ZNF385D: variants seen among roughly 807,000 people sequenced by gnomAD.
The protein encoded by ZNF385D is zinc finger protein 659.
Under a neutral mutation model 35.8 loss-of-function variants are expected in ZNF385D, and 15 were observed. That is an observed-to-expected ratio of 0.42 (90% CI 0.28 to 0.64). The LOEUF is 0.64. ZNF385D is among the 30% of genes least tolerant of loss of function. The pLI is 0.23. For synonymous variants in ZNF385D, 212 were observed against 186.8 expected, an observed-to-expected ratio of 1.13 and a Z score of -1.10; for missense variants, 474 against 494.6, an observed-to-expected ratio of 0.96 and a Z score of 0.39.
At chr3:21,443,154 C>T (rs1701955110) in intron 4 of ZNF385D, 1 of 985,344 alleles carries the variant, frequency 1.0e-6, no homozygotes, top group Non-Finnish European at 1.2e-6. Context: ...TCAAGTGCTC[C>T]ACTCCACTTT....
At chr3:21,652,332 G>T (rs896460076) in intron 2 of ZNF385D, among the ~76,000 whole-genome samples, 2 of 152,096 alleles carry the variant, frequency 1.3e-5, no homozygotes, top group African/African-American at 4.8e-5. Flanking sequence ...CAGACCTGGG[G>T]CATGTTAGAT....
rs150072905 is a variant in ZNF385D, at chr3:21,594,639, G to A, written c.166-29955C>T. Among the ~76,000 whole-genome samples the A allele has an allele frequency of 1.9e-4, 29 of 152,214 alleles. No homozygotes were observed. The East Asian group carries it at 4.8e-3, about 25-fold the overall frequency. ...TTTAAGCAGACATGACATAGCCACC[G>A]GGAATTTAAAGCTTGGTGATCAGTC... On this transcript the variant is annotated intron_variant, in intron 2 of 7. Coordinates refer to ENST00000281523, the MANE Select transcript of ZNF385D (RefSeq NM_024697.3).
intron 3 of ZNF385D, among the ~76,000 whole-genome samples, chr3:22,152,682 A>G (rs1705316700): frequency 1.3e-5 from 2 of 151,964 alleles, no homozygotes; most frequent in Admixed American, 6.6e-5. Context: ...TTGTGATTCC[A>G]TTTTTCCTAC....
chr3:21,917,903 C>G (rs566318767), intron 3 of ZNF385D, among the ~76,000 whole-genome samples: 6 of 152,130 alleles, frequency 3.9e-5, no homozygotes, highest in South Asian at 2.1e-4. Context: ...ATACTGCATG[C>G]AAACTAGGAA....
At chr3:21,746,939 A>G (rs545014252) in intron 1 of ZNF385D, among the ~76,000 whole-genome samples, 2 of 152,274 alleles carry the variant, frequency 1.3e-5, no homozygotes, top group Non-Finnish European at 2.9e-5. Flanking sequence ...AATGTTCTAA[A>G]CATCCCAGGG....
At chr3:21,670,887 T>A (rs528585700) in intron 1 of ZNF385D, among the ~76,000 whole-genome samples, 8 of 151,886 alleles carry the variant, frequency 5.3e-5, no homozygotes, top group African/African-American at 1.4e-4. Context: ...ACAAAAAAAA[T>A]GGACCAGCAT....
intron 2 of ZNF385D, among the ~76,000 whole-genome samples, chr3:22,188,764 T>C (rs758014937): frequency 2.0e-5 from 3 of 152,236 alleles, no homozygotes; most frequent in Non-Finnish European, 4.4e-5. Context: ...GCATACTTTT[T>C]AAAATATTTT....
intron 3 of ZNF385D, among the ~76,000 whole-genome samples, chr3:21,799,215 G>T (rs1265564965): frequency 3.9e-5 from 6 of 152,120 alleles, no homozygotes; most frequent in Non-Finnish European, 8.8e-5. Flanking sequence ...GATGGATGTT[G>T]TTTCCACCTT....
At chr3:22,238,195 T>C (rs2728999) in intron 2 of ZNF385D, among the ~76,000 whole-genome samples, 60,902 of 150,932 alleles carry the variant, frequency 0.4, 15,359 homozygotes, top group East Asian at 0.77. Context: ...CCACATTCCA[T>C]TGATTTCTGT....
intron 3 of ZNF385D, among the ~76,000 whole-genome samples, chr3:21,851,485 T>C (rs995993572): frequency 1.3e-5 from 2 of 152,080 alleles, no homozygotes; most frequent in African/African-American, 4.8e-5. Context: ...TCACAGAACC[T>C]TTATTTAAAA....
At chr3:21,809,260 G>C (rs1245759611) in intron 3 of ZNF385D, among the ~76,000 whole-genome samples, 1 of 151,864 alleles carries the variant, frequency 6.6e-6, no homozygotes, top group South Asian at 2.1e-4. Context: ...CAAAGAAAAA[G>C]AAATAGAAAC....
rs1553628859 is a variant in ZNF385D at position 21,424,313 on chromosome 3, A to ATT, written c.853-250_853-249insAA. On this transcript the variant is annotated intron_variant, in intron 6 of 7. Coordinates refer to ENST00000281523, the MANE Select transcript of ZNF385D (RefSeq NM_024697.3). The stretch of plus-strand genomic sequence containing the variant: ...TATATATATATATTTATATATATAT[A>ATT]TATATTTTTTTTTTTTTTTGAGATG... Among the ~76,000 whole-genome samples, 64 of 50,920 alleles carry ATT rather than the reference A, an allele frequency of 1.3e-3. 1 individual carries two copies. The highest frequency in any genetic ancestry group is 3.5e-3 in the African/African-American group (57 of 16,408). The allele number at this position is 50,920 out of a possible 152,430, so 33.4% of individuals were successfully genotyped here.
intron 2 of ZNF385D, among the ~76,000 whole-genome samples, chr3:21,569,940 G>A (rs1055812495): frequency 1.4e-5 from 2 of 147,426 alleles, no homozygotes; most frequent in South Asian, 4.4e-4. Context: ...ATAGCATTAG[G>A]AGATATACCT....
At chr3:21,985,896 G>A (rs1576087471) in intron 3 of ZNF385D, among the ~76,000 whole-genome samples, 2 of 129,764 alleles carry the variant, frequency 1.5e-5, no homozygotes, top group Non-Finnish European at 3.2e-5. Context: ...TTAGTCTTGG[G>A]AGAGTGTATG....
intron 3 of ZNF385D, among the ~76,000 whole-genome samples, chr3:21,825,704 T>C (rs1694562676): frequency 1.3e-5 from 2 of 152,190 alleles, no homozygotes; most frequent in South Asian, 4.1e-4. Flanking sequence ...GAAATTTTCT[T>C]GTCTCTTTCT....
chr3:21,493,621 G>T lies in ZNF385D; in HGVS notation c.439+17240C>A, dbSNP rs546886997. ...ATGGGCCATGAACAAATCCCTTTTA[G>T]GTTAATGGATTTTTTCTTTTTTTTT... On this transcript the variant is annotated intron_variant, in intron 4 of 7. Coordinates refer to ENST00000281523, the MANE Select transcript of ZNF385D (RefSeq NM_024697.3). Among the ~76,000 whole-genome samples, 172 of 150,178 alleles carry T rather than the reference G, an allele frequency of 1.1e-3. 1 individual carries two copies. The highest frequency in any genetic ancestry group is 4.1e-3 in the African/African-American group (169 of 41,086).
intron 3 of ZNF385D, among the ~76,000 whole-genome samples, chr3:21,807,278 T>A (rs1013628086): frequency 1.3e-5 from 2 of 152,164 alleles, no homozygotes. Context: ...CTAGAGCATA[T>A]CTCTATTTCA....
chr3:21,673,255 A>G (rs2066628797), intron 1 of ZNF385D, among the ~76,000 whole-genome samples: 1 of 151,980 alleles, frequency 6.6e-6, no homozygotes, highest in Non-Finnish European at 1.5e-5. Context: ...TTAGTACAAT[A>G]AAAAAAATTC....
intron 3 of ZNF385D, among the ~76,000 whole-genome samples, chr3:21,825,135 C>T (rs572088785): frequency 2.3e-4 from 35 of 152,198 alleles, no homozygotes; most frequent in Middle Eastern, 3.4e-3. Context: ...ATTTTTCTCA[C>T]GCCAATATTT....
Sources: gnomAD v4.1 joint callset for allele counts (sites outside exome capture counted in the v4.1 genomes callset) on GRCh38, gnomAD v4.1.1 for gene constraint, MANE v1.5 for transcripts, NCBI Gene and HGNC (gene_info 2026-07-23, HGNC 2026-07-21) for gene names.